ST7L: variants seen among roughly 807,000 people sequenced by gnomAD.
ST7L encodes suppression of tumorigenicity 7 like.
ST7L carries 57 observed loss-of-function variants against 72.5 expected under a neutral mutation model. The ratio of observed to expected loss-of-function variants is 0.79; its 90% CI spans 0.64 to 0.98. The LOEUF is 0.98. ST7L is among the 50% of genes least tolerant of loss of function. ST7L has a pLI of 0.00. For missense variants in ST7L, 576 were observed against 672.2 expected (o/e 0.86, Z 1.58); for synonymous variants, 221 against 240.9 (o/e 0.92, Z 0.77).
chr1:112,526,228 C>T (rs1570820428), intron 14 of ST7L, 117 bp from the exon 15 acceptor site: 2 of 1,394,728 alleles, frequency 1.4e-6, no homozygotes, highest in East Asian at 2.3e-5. Context: ...TGAACCTTAT[C>T]AACCAATGGC....
intron 11 of ST7L, among the ~76,000 whole-genome samples, chr1:112,563,923 T>TCC (rs1361714834): frequency 6.6e-6 from 1 of 152,202 alleles, no homozygotes; most frequent in African/African-American, 2.4e-5. Flanking sequence ...ATAATCTTCC[T>TCC]CTTAAAAGCA....
chr1:112,523,839 G>T lies in ST7L; in HGVS notation c.*2174C>A, dbSNP rs964168712. 6.6e-6 allele frequency: 1 copy of T among 152,102 alleles called. No individual in the cohort carries two copies. Among genetic ancestry groups the T allele is most frequent in the Non-Finnish European group, 1.5e-5 (1 of 68,014 alleles). The allele number at this position is 152,102 out of a possible 1,614,324, so 9.4% of individuals were successfully genotyped here. A position where few individuals can be genotyped will look rare whatever the true frequency, so the allele number is the denominator to read the frequency against. ...ATGACTGAAGTACCTCAGCTGCGCA[G>T]CCTGTAGCCAGTTTTTTTAATGTAA... is the stretch of plus-strand genomic sequence containing the variant. On this transcript the variant is annotated 3_prime_UTR_variant, in exon 15 of 15. Coordinates refer to ENST00000358039, the MANE Select transcript of ST7L (RefSeq NM_017744.5).
chr1:112,603,228 C>A lies in ST7L; in HGVS notation c.452-2380G>T, dbSNP rs1416277464. 2.6e-5 allele frequency among the ~76,000 whole-genome samples: 4 copies of A among 152,008 alleles called. No homozygotes were observed. The East Asian group carries it at 5.8e-4, about 22-fold the overall frequency. On this transcript the variant is annotated intron_variant, in intron 3 of 14. Coordinates refer to ENST00000358039, the MANE Select transcript of ST7L (RefSeq NM_017744.5). Reference sequence around the variant, plus strand: ...AACAAGTGAGTTTTTTCGTATTATGCAATAAGATGGATCATGATATGGATA... The same window carrying A: ...AACAAGTGAGTTTTTTCGTATTATGAAATAAGATGGATCATGATATGGATA...
intron 13 of ST7L, among the ~76,000 whole-genome samples, chr1:112,547,180 G>GCTTT (rs1334511548): frequency 4.7e-5 from 7 of 149,944 alleles, no homozygotes; most frequent in Non-Finnish European, 7.4e-5. Flanking sequence ...CCCTTCTAGA[G>GCTTT]CTTTCTTTCT....
chr1:112,529,599 GA>G (rs1308693644), intron 14 of ST7L: 2 of 152,158 alleles, frequency 1.3e-5, no homozygotes, highest in Middle Eastern at 3.4e-3. Context: ...GCTATTATAA[GA>G]TAGGCATAGA....
intron 3 of ST7L, among the ~76,000 whole-genome samples, chr1:112,608,083 C>T (rs1668534841): frequency 6.6e-6 from 1 of 152,098 alleles, no homozygotes; most frequent in African/African-American, 2.4e-5. Flanking sequence ...TGCAGTGGCA[C>T]AGTCATAGCT....
chr1:112,587,877 T>G (rs1335419882), intron 6 of ST7L, among the ~76,000 whole-genome samples: 4 of 152,212 alleles, frequency 2.6e-5, no homozygotes, highest in Non-Finnish European at 5.9e-5. Context: ...TTATAGGGAT[T>G]GCACTGAATC....
chr1:112,520,515 C>T (rs1225471977), downstream of ST7L: 2 of 1,613,068 alleles, frequency 1.2e-6, no homozygotes, highest in South Asian at 1.1e-5. Flanking sequence ...CCTGAACACA[C>T]AGATACCTCA....
chr1:112,608,455 T>C (rs1483915650), intron 3 of ST7L, among the ~76,000 whole-genome samples: 1 of 152,308 alleles, frequency 6.6e-6, no homozygotes, highest in Admixed American at 6.5e-5. Context: ...CTTTATAGAG[T>C]ATCATATATA....
intron 11 of ST7L, among the ~76,000 whole-genome samples, chr1:112,570,156 G>T (rs1404754029): frequency 6.6e-6 from 1 of 151,898 alleles, no homozygotes; most frequent in Admixed American, 6.6e-5. Context: ...TAAAAAAAAA[G>T]TTCACTGAAT....
At position 112,525,271 on chromosome 1, in the gene ST7L, G is replaced by C. The variant is rs1383181070; in HGVS notation, c.*742C>G. On this transcript the variant is annotated 3_prime_UTR_variant, in exon 15 of 15. Transcript: ENST00000358039. ...GATTCCAGGGATGATCTCCATAAGA[G>C]AGAAGCACTGGAAAAGACCAAGTGG... is the stretch of plus-strand genomic sequence containing the variant. 1 of 152,220 alleles carries C rather than the reference G, an allele frequency of 6.6e-6. No individual in the cohort carries two copies. Among genetic ancestry groups the C allele is most frequent in the Non-Finnish European group, 1.5e-5 (1 of 68,040 alleles). The allele number at this position is 152,220 out of a possible 1,614,324, so 9.4% of individuals were successfully genotyped here. A position where few individuals can be genotyped will look rare whatever the true frequency, so the allele number is the denominator to read the frequency against.
At chr1:112,520,200 C>A, downstream of ST7L, 3 of 1,382,304 alleles carry the variant, frequency 2.2e-6, no homozygotes, top group Non-Finnish European at 3.0e-6. Context: ...TTTTTATCTT[C>A]CTTCTGAGAA....
intron 11 of ST7L, among the ~76,000 whole-genome samples, chr1:112,575,215 G>A (rs1662916514): frequency 1.3e-5 from 2 of 152,142 alleles, no homozygotes; most frequent in African/African-American, 4.8e-5. Context: ...CTCCAGCTTG[G>A]GCGAAAGCAA....
Position 112,619,079 on chromosome 1 carries a change from G to C in ST7L, c.35C>G (p.Ala12Gly). 6.2e-7 allele frequency: 1 copy of C among 1,613,468 alleles called. No homozygotes were observed. The highest frequency in any genetic ancestry group is 8.5e-7 in the Non-Finnish European group (1 of 1,179,946). ...GACAGATGCAGGAGACGCTCCAACAGCTGCGGCTTCACCCACGCCGCCACG... is the reference window on the plus strand; with the variant it reads ...GACAGATGCAGGAGACGCTCCAACACCTGCGGCTTCACCCACGCCGCCACG... ...ADRGGVGEAA[A>G]VGASPASVPG... The change falls in exon 1 of 15, where the codon GCT (alanine) becomes GGT (glycine). Residue 12 changes from alanine to glycine, a missense_variant. By Grantham distance (60) the Ala-to-Gly change is moderately conservative. This residue lies in a region of ST7L where 56 missense variants were observed against 45.8 expected (regional missense o/e 1.22). Transcript: ENST00000358039.
intron 14 of ST7L, chr1:112,528,949 A>G (rs1653909541): frequency 6.6e-6 from 1 of 152,250 alleles, no homozygotes; most frequent in Non-Finnish European, 1.5e-5. Flanking sequence ...TTCTAACTTC[A>G]TGATCTCTAG....
In ST7L at chr1:112,551,138, C is replaced by CTTTTTTTTTTTT. The variant is rs567601091; in HGVS notation, c.1397-457_1397-446dup. Among the ~76,000 whole-genome samples, 44 of 77,224 alleles carry CTTTTTTTTTTTT rather than the reference C, an allele frequency of 5.7e-4. 6 individuals carry two copies. The highest frequency in any genetic ancestry group is 2.7e-3 in the African/African-American group (42 of 15,784). 50.7% of individuals were successfully genotyped at this position (77,224 alleles called of 152,430 possible). A position where few individuals can be genotyped will look rare whatever the true frequency, so the allele number is the denominator to read the frequency against. On this transcript the variant is annotated intron_variant, in intron 12 of 14. Transcript: ENST00000358039. ...TCACCAAAGCTTTCTATGAGCAGAT[C>CTTTTTTTTTTTT]TTTTTTTTTTTTTTTTTTTTTTTTT...
chr1:112,573,230 C>T (rs929955366), intron 11 of ST7L, among the ~76,000 whole-genome samples: 2 of 151,540 alleles, frequency 1.3e-5, no homozygotes, highest in African/African-American at 2.4e-5. Flanking sequence ...TGCCTGTAAT[C>T]CCAGCTACTC....
At chr1:112,605,088 CA>C (rs35373735) in intron 3 of ST7L, among the ~76,000 whole-genome samples, 1,564 of 61,282 alleles carry the variant, frequency 0.026, 7 homozygotes, top group Non-Finnish European at 0.032. Context: ...ACTCCGGCTC[CA>C]AAAAAAAAAA....
At chr1:112,594,788 C>T (rs1666195460) in intron 5 of ST7L, among the ~76,000 whole-genome samples, 1 of 152,148 alleles carries the variant, frequency 6.6e-6, no homozygotes, top group Non-Finnish European at 1.5e-5. Flanking sequence ...AGAACTCACC[C>T]AGTCAATTAG....
Sources: gnomAD v4.1 joint callset for allele counts (sites outside exome capture counted in the v4.1 genomes callset) on GRCh38, gnomAD v4.1.1 for gene constraint, gnomAD v4.1.1 regional missense constraint, MANE v1.5 for transcripts, NCBI Gene and HGNC (gene_info 2026-07-23, HGNC 2026-07-21) for gene names.